GRIK1: variants seen among roughly 807,000 people sequenced by gnomAD.
The protein encoded by GRIK1 is glutamate ionotropic receptor kainate type subunit 1, also known as glutamate receptor ionotropic, kainate 1.
In GRIK1, 69 loss-of-function variants were observed where a neutral mutation model predicts 105.7. That is an observed-to-expected ratio of 0.65 (90% CI 0.54 to 0.80). GRIK1 has a LOEUF of 0.80. Ranked by LOEUF, GRIK1 falls within the 30% of genes least tolerant of loss-of-function variation. GRIK1 has a pLI of 0.00. For synonymous variants in GRIK1, 438 were observed against 431.3 expected, an observed-to-expected ratio of 1.02 and a Z score of -0.19; for missense variants, 1,109 against 1,167.3, an observed-to-expected ratio of 0.95 and a Z score of 0.73.
intron 1 of GRIK1, among the ~76,000 whole-genome samples, chr21:29,799,754 T>G (rs1464212830): frequency 6.6e-6 from 1 of 152,150 alleles, no homozygotes; most frequent in Non-Finnish European, 1.5e-5. Flanking sequence ...GGTCTTGAAC[T>G]CCTGACCCCA....
chr21:29,901,283 G>C (rs2070396310), intron 1 of GRIK1, among the ~76,000 whole-genome samples: 1 of 152,004 alleles, frequency 6.6e-6, no homozygotes, highest in South Asian at 2.1e-4. Flanking sequence ...CAGAAGACAA[G>C]AAATAACTAA....
At chr21:29,734,243 C>T (rs2064712089) in intron 1 of GRIK1, among the ~76,000 whole-genome samples, 1 of 152,200 alleles carries the variant, frequency 6.6e-6, no homozygotes, top group East Asian at 1.9e-4. Flanking sequence ...AGAATTATGG[C>T]TTAGCCTCCA....
At chr21:29,708,341 C>G (rs2063965900) in intron 1 of GRIK1, among the ~76,000 whole-genome samples, 3 of 152,142 alleles carry the variant, frequency 2.0e-5, no homozygotes, top group Admixed American at 6.5e-5. Context: ...CTTTCTTACT[C>G]ATAATGATAT....
chr21:29,923,372 A>G (rs2071253586), intron 1 of GRIK1, among the ~76,000 whole-genome samples: 1 of 152,236 alleles, frequency 6.6e-6, no homozygotes, highest in Admixed American at 6.5e-5. Flanking sequence ...AGAGAAACCT[A>G]GTAAAACATT....
chr21:29,884,612 A>C (rs2069542115), intron 1 of GRIK1, among the ~76,000 whole-genome samples: 1 of 152,076 alleles, frequency 6.6e-6, no homozygotes, highest in South Asian at 2.1e-4. Flanking sequence ...CTAACCTAAC[A>C]GATAAAGTTT....
At chr21:29,784,206 C>T (rs929226605) in intron 1 of GRIK1, among the ~76,000 whole-genome samples, 1 of 152,196 alleles carries the variant, frequency 6.6e-6, no homozygotes, top group Non-Finnish European at 1.5e-5. Flanking sequence ...TGAATAGTCT[C>T]ACGTTGATGG....
chr21:29,640,077 T>A (rs1374021180), intron 7 of GRIK1, among the ~76,000 whole-genome samples: 1 of 151,850 alleles, frequency 6.6e-6, no homozygotes, highest in East Asian at 1.9e-4. Flanking sequence ...CTTCACCCCA[T>A]AAATTCAATC....
At chr21:29,787,793 A>G (rs561015767) in intron 1 of GRIK1, among the ~76,000 whole-genome samples, 5 of 152,262 alleles carry the variant, frequency 3.3e-5, no homozygotes, top group African/African-American at 1.2e-4. Flanking sequence ...ACATTTATCA[A>G]TCTTGCTAGT....
In GRIK1 at chr21:29,577,328, G is replaced by A. The variant is rs1338586733; in HGVS notation, c.1913-147C>T. The A allele has an allele frequency of 2.6e-5, 14 of 543,520 alleles. No individual in the cohort carries two copies. The Admixed American group carries it at 4.0e-4, about 16-fold the overall frequency. The allele number at this position is 543,520 out of a possible 1,614,324, so 33.7% of individuals were successfully genotyped here. On this transcript the variant is annotated intron_variant, in intron 13 of 17. Transcript: ENST00000327783. ...AAATAAATGCATTTTATAGAAAATG[G>A]AGCAAAATCTTAAGGATTATTTTCA... is the stretch of plus-strand genomic sequence containing the variant.
intron 7 of GRIK1, among the ~76,000 whole-genome samples, chr21:29,618,244 T>G (rs1353900313): frequency 6.6e-6 from 1 of 151,862 alleles, no homozygotes; most frequent in East Asian, 1.9e-4. Flanking sequence ...TTCTCCTGAT[T>G]AACTTTTGAT....
intron 3 of GRIK1, among the ~76,000 whole-genome samples, chr21:29,688,211 C>T (rs1056107178): frequency 6.6e-6 from 1 of 152,278 alleles, no homozygotes; most frequent in African/African-American, 2.4e-5. Context: ...TATATACCCA[C>T]TCACTTAGAA....
chr21:29,700,840 A>T (rs147972728), intron 1 of GRIK1, among the ~76,000 whole-genome samples: 44 of 152,278 alleles, frequency 2.9e-4, no homozygotes, highest in African/African-American at 1.0e-3. Flanking sequence ...CCCAAAAGGA[A>T]TTTCAGACAA....
At chr21:29,736,340 C>T (rs1474788571) in intron 1 of GRIK1, among the ~76,000 whole-genome samples, 1 of 152,108 alleles carries the variant, frequency 6.6e-6, no homozygotes, top group Non-Finnish European at 1.5e-5. Flanking sequence ...AACTGATTCT[C>T]CAACTTCAGC....
intron 7 of GRIK1, among the ~76,000 whole-genome samples, chr21:29,623,291 G>A (rs1179302076): frequency 6.6e-6 from 1 of 152,080 alleles, no homozygotes; most frequent in East Asian, 1.9e-4. Flanking sequence ...GCATGGGAAA[G>A]ACCCACCCTC....
At chr21:29,741,535 A>G (rs458048) in intron 1 of GRIK1, among the ~76,000 whole-genome samples, 113,267 of 152,092 alleles carry the variant, frequency 0.74, 45,222 homozygotes, top group South Asian at 0.89. Context: ...AGACTTTCCT[A>G]TTTCTACCTT....
chr21:29,660,090 C>A (rs2062933873), intron 4 of GRIK1, among the ~76,000 whole-genome samples: 1 of 152,212 alleles, frequency 6.6e-6, no homozygotes, highest in South Asian at 2.1e-4. Flanking sequence ...GGGACACAGT[C>A]ATTGCTCATT....
At chr21:29,792,323 A>G (rs1016003583) in intron 1 of GRIK1, among the ~76,000 whole-genome samples, 1 of 152,202 alleles carries the variant, frequency 6.6e-6, no homozygotes, top group Non-Finnish European at 1.5e-5. Context: ...TATATGACAC[A>G]GATGGAATTA....
intron 7 of GRIK1, among the ~76,000 whole-genome samples, chr21:29,610,762 C>G (rs1341674295): frequency 6.6e-6 from 1 of 151,686 alleles, no homozygotes; most frequent in Non-Finnish European, 1.5e-5. Flanking sequence ...CAATAGGAAA[C>G]TCAAACACCT....
At chr21:29,703,342 G>A (rs575657928) in intron 1 of GRIK1, among the ~76,000 whole-genome samples, 118 of 152,284 alleles carry the variant, frequency 7.7e-4, no homozygotes, top group African/African-American at 2.6e-3. Context: ...TTGCATTCCT[G>A]TGGAATAATA....
Sources: gnomAD v4.1 joint callset for allele counts (sites outside exome capture counted in the v4.1 genomes callset) on GRCh38, gnomAD v4.1.1 for gene constraint, MANE v1.5 for transcripts, NCBI Gene and HGNC (gene_info 2026-07-23, HGNC 2026-07-21) for gene names.